Variants in ANGPTL2 observed in about 807,000 individuals in gnomAD.
ANGPTL2 encodes the protein angiopoietin-related protein 2.
A neutral mutation model predicts 52.8 loss-of-function variants in ANGPTL2; 25 were observed. The ratio of observed to expected loss-of-function variants is 0.47; its 90% CI spans 0.35 to 0.66. The LOEUF (loss-of-function observed/expected upper bound fraction) is 0.66. Ranked by LOEUF, ANGPTL2 falls within the 30% of genes least tolerant of loss-of-function variation. The probability of loss-of-function intolerance (pLI) is 0.01; values close to 1 mark genes in which losing one functional copy is unlikely to be tolerated. For missense variants in ANGPTL2, 546 were observed against 656.9 expected (o/e 0.83, Z 1.84); for synonymous variants, 276 against 277.4 (o/e 1.00, Z 0.05).
At chr9:127,097,469 C>T (rs2053266770) in intron 2 of ANGPTL2, among the ~76,000 whole-genome samples, 1 of 152,248 alleles carries the variant, frequency 6.6e-6, no homozygotes, top group African/African-American at 2.4e-5. Flanking sequence ...TCCCTTAGAA[C>T]CCTTAGTAGA....
At chr9:127,100,053 T>G (rs964748785) in intron 2 of ANGPTL2, among the ~76,000 whole-genome samples, 1 of 152,248 alleles carries the variant, frequency 6.6e-6, no homozygotes. Context: ...TCAAGTTCAT[T>G]AATTGTTAAA....
intron 2 of ANGPTL2, 68 bp from the exon 3 acceptor site, chr9:127,093,994 C>T (rs2052812034): frequency 6.5e-7 from 1 of 1,547,208 alleles, no homozygotes; most frequent in African/African-American, 1.4e-5. Context: ...CAGCTGCACC[C>T]CAAGCAGGCA....
At chr9:127,099,499 C>G (rs1254526185) in intron 2 of ANGPTL2, among the ~76,000 whole-genome samples, 1 of 152,182 alleles carries the variant, frequency 6.6e-6, no homozygotes, top group African/African-American at 2.4e-5. Flanking sequence ...GGCACGTGGC[C>G]TGCTTAGGTG....
At chr9:127,118,015 C>T (rs564234046) in intron 1 of ANGPTL2, among the ~76,000 whole-genome samples, 1 of 152,184 alleles carries the variant, frequency 6.6e-6, no homozygotes, top group South Asian at 2.1e-4. Flanking sequence ...TGGACTGACA[C>T]AATAGTTCAG....
intron 2 of ANGPTL2, among the ~76,000 whole-genome samples, chr9:127,097,530 G>A (rs2053270912): frequency 1.3e-5 from 2 of 152,182 alleles, no homozygotes; most frequent in South Asian, 4.1e-4. Flanking sequence ...ACACATTAAA[G>A]GCACCAGTGG....
At chr9:127,117,735 A>G (rs1232976153) in intron 1 of ANGPTL2, among the ~76,000 whole-genome samples, 1 of 152,216 alleles carries the variant, frequency 6.6e-6, no homozygotes, top group African/African-American at 2.4e-5. Flanking sequence ...TATCTTTTCT[A>G]CCTGGCCCTG....
chr9:127,122,058 A>G lies in ANGPTL2; in HGVS notation c.-50+257T>C, dbSNP rs1206901415. On this transcript the variant is annotated intron_variant, in intron 1 of 4. Transcript: ENST00000373425. The surrounding 1 kb of genome is among the most constrained non-coding windows in gnomAD (Gnocchi z 6.4). ...CCGGCACCCCAAAGGCTCTTTGTCC[A>G]AAAGAGGAGAGTGAGGCTTACTCAT... 6.6e-6 allele frequency among the ~76,000 whole-genome samples: 1 copy of G among 152,142 alleles called. No homozygotes were observed. Among genetic ancestry groups the G allele is most frequent in the Non-Finnish European group, 1.5e-5 (1 of 68,012 alleles).
intron 1 of ANGPTL2, among the ~76,000 whole-genome samples, chr9:127,110,000 A>T (rs2054634759): frequency 6.6e-6 from 1 of 152,120 alleles, no homozygotes; most frequent in African/African-American, 2.4e-5. Flanking sequence ...CAACATCAGG[A>T]TGGTTTTCCT....
chr9:127,114,895 A>G (rs973810113), intron 1 of ANGPTL2, among the ~76,000 whole-genome samples: 2 of 152,254 alleles, frequency 1.3e-5, no homozygotes, highest in Non-Finnish European at 2.9e-5. Flanking sequence ...CAGAAGACAG[A>G]TGAAAACATC....
At chr9:127,100,120 T>C (rs922568713) in intron 2 of ANGPTL2, among the ~76,000 whole-genome samples, 4 of 152,238 alleles carry the variant, frequency 2.6e-5, no homozygotes, top group African/African-American at 9.6e-5. Flanking sequence ...TTAGATTTTT[T>C]TCACTTCCCA....
chr9:127,110,848 CCACCTG>C (rs1389178687), intron 1 of ANGPTL2, among the ~76,000 whole-genome samples: 5 of 152,170 alleles, frequency 3.3e-5, no homozygotes, highest in Admixed American at 2.0e-4. Context: ...CTGTTGCAAC[CCACCTG>C]CATCATTTAC....
intron 1 of ANGPTL2, among the ~76,000 whole-genome samples, chr9:127,112,908 C>T (rs1360037149): frequency 6.6e-6 from 1 of 152,238 alleles, no homozygotes; most frequent in African/African-American, 2.4e-5. Flanking sequence ...ATCATTCCAA[C>T]ACTCAGAGTG....
In ANGPTL2 at chr9:127,100,584, G is replaced by A. The variant is rs566650614; in HGVS notation, c.818-6658C>T. ...CTTGGCTCCCTGGGGGCAGTGGCCA[G>A]TTGTACCCAAGGCTTCCTGGGTGAG... On this transcript the variant is annotated intron_variant, in intron 2 of 4. Coordinates refer to ENST00000373425, the MANE Select transcript of ANGPTL2 (RefSeq NM_012098.3). Among the ~76,000 whole-genome samples the A allele has an allele frequency of 5.3e-5, 8 of 152,332 alleles. No individual in the cohort carries two copies. The South Asian group carries it at 1.2e-3, about 24-fold the overall frequency.
At chr9:127,118,299 G>C (rs568895126) in intron 1 of ANGPTL2, among the ~76,000 whole-genome samples, 122 of 152,314 alleles carry the variant, frequency 8.0e-4, no homozygotes, top group African/African-American at 2.8e-3. Context: ...CAGTCCATGT[G>C]AAAGAACACA....
chr9:127,096,942 C>T, intron 2 of ANGPTL2, among the ~76,000 whole-genome samples: 1 of 152,176 alleles, frequency 6.6e-6, no homozygotes, highest in East Asian at 1.9e-4. Flanking sequence ...AGAGGAGCCC[C>T]TCAAGGTTAC....
Position 127,108,684 on chromosome 9 carries a change from G to A in ANGPTL2, c.48C>T (p.Ala16=), listed in dbSNP as rs1231800772. ...CCTCCTGGCCTGCAACAGCTCCCAT[G>A]GCAGCCAGCAGTCCGAGCCACCAGC... The part of the protein sequence containing the change: ...VTCWWLGLLA[A]MGAVAGQEDG... The change falls in exon 2 of 5, where the codon GCC becomes GCT. Residue 16 remains alanine, a synonymous_variant. Coordinates refer to ENST00000373425, the MANE Select transcript of ANGPTL2 (RefSeq NM_012098.3). 1 of 1,613,442 alleles carries A rather than the reference G, an allele frequency of 6.2e-7. No individual in the cohort carries two copies. The highest frequency in any genetic ancestry group is 8.5e-7 in the Non-Finnish European group (1 of 1,179,858).
chr9:127,096,009 G>T (rs2053089998), intron 2 of ANGPTL2, among the ~76,000 whole-genome samples: 1 of 152,130 alleles, frequency 6.6e-6, no homozygotes, highest in African/African-American at 2.4e-5. Context: ...TTCTGGGGAG[G>T]AAGGATCTTC....
chr9:127,106,058 C>G (rs1485291182), intron 2 of ANGPTL2, among the ~76,000 whole-genome samples: 1 of 152,210 alleles, frequency 6.6e-6, no homozygotes, highest in African/African-American at 2.4e-5. Context: ...AGGGGTAGAG[C>G]ATGGATGCAA....
Position 127,088,881 on chromosome 9 carries a change from A to C in ANGPTL2, c.*58T>G. 6.2e-7 allele frequency: 1 copy of C among 1,600,388 alleles called. No individual in the cohort carries two copies. The highest frequency in any genetic ancestry group is 8.6e-7 in the Non-Finnish European group (1 of 1,168,096). Reference sequence around the variant, plus strand: ...AGGAGTTGTTCTTTGTGCTGTGGCCAGCGTGACCAGGGTGGGCTCCTGGCA... The same window carrying C: ...AGGAGTTGTTCTTTGTGCTGTGGCCCGCGTGACCAGGGTGGGCTCCTGGCA... On this transcript the variant is annotated 3_prime_UTR_variant, in exon 5 of 5. Transcript: ENST00000373425.
Sources: gnomAD v4.1 joint callset for allele counts (sites outside exome capture counted in the v4.1 genomes callset) on GRCh38, gnomAD v4.1.1 for gene constraint, Gnocchi (gnomAD v3.1) non-coding constraint, MANE v1.5 for transcripts, NCBI Gene and HGNC (gene_info 2026-07-23, HGNC 2026-07-21) for gene names.